Variants in TACC2 observed in about 807,000 individuals in gnomAD.
TACC2 encodes transforming acidic coiled-coil containing protein 2, also known as transforming acidic coiled-coil-containing protein 2.
TACC2 carries 137 observed loss-of-function variants against 227.3 expected under a neutral mutation model. That is an observed-to-expected ratio of 0.60 (90% CI 0.52 to 0.69). The LOEUF (loss-of-function observed/expected upper bound fraction) is 0.69, where lower values mean the gene tolerates loss of function less well. TACC2 is among the 30% of genes least tolerant of loss of function. TACC2 has a pLI of 0.00. For synonymous variants in TACC2, 1,523 were observed against 1,487.5 expected (o/e 1.02, Z -0.55); for missense variants, 3,470 against 3,694.4 (o/e 0.94, Z 1.57).
At position 122,086,139 on chromosome 10, in the gene TACC2, C is replaced by T. The variant is rs750732161; in HGVS notation, c.3639C>T (p.His1213=). The stretch of plus-strand genomic sequence containing the variant: ...GGAGCACCATGGATTTTTCTACACA[C>T]CAGGCTGTCCCAGACCCAAAGGAGC... ...IPRSTMDFST[H]QAVPDPKELL... is the part of the protein sequence containing the mutation. The change falls in exon 4 of 23, where the codon CAC becomes CAT. Residue 1213 remains histidine, a synonymous_variant. Transcript: ENST00000369005. The T allele has an allele frequency of 1.2e-6, 2 of 1,613,562 alleles. No individual in the cohort carries two copies. Among genetic ancestry groups the T allele is most frequent in the African/African-American group, 1.3e-5 (1 of 75,060 alleles).
chr10:122,060,679 C>T (rs1310577602), intron 3 of TACC2, among the ~76,000 whole-genome samples: 1 of 152,120 alleles, frequency 6.6e-6, no homozygotes, highest in Non-Finnish European at 1.5e-5. Context: ...CTAGAGATGC[C>T]AGGACTTGCT....
intron 7 of TACC2, among the ~76,000 whole-genome samples, chr10:122,159,382 G>A (rs1340378493): frequency 1.3e-5 from 2 of 152,282 alleles, no homozygotes; most frequent in South Asian, 2.1e-4. Context: ...CACCATTCTC[G>A]CCTGAGCCCA....
chr10:122,077,284 A>G (rs2078928640), intron 3 of TACC2, among the ~76,000 whole-genome samples: 1 of 152,048 alleles, frequency 6.6e-6, no homozygotes, highest in Non-Finnish European at 1.5e-5. Context: ...ACAACATTTT[A>G]TTGTTTGTTA....
chr10:122,011,177 A>G (rs762875903), intron 1 of TACC2, among the ~76,000 whole-genome samples: 11 of 152,006 alleles, frequency 7.2e-5, no homozygotes, highest in African/African-American at 1.9e-4. Context: ...AGAGCTAGGT[A>G]GACAGGGATG....
At chr10:122,009,498 CCT>C (rs61181827) in intron 1 of TACC2, among the ~76,000 whole-genome samples, 14,185 of 151,592 alleles carry the variant, frequency 0.094, 1,368 homozygotes, top group African/African-American at 0.25. Flanking sequence ...AGAGAGACTC[CCT>C]CTCAACAAAA....
At chr10:122,122,702 C>T (rs1006457749) in intron 5 of TACC2, among the ~76,000 whole-genome samples, 4 of 152,054 alleles carry the variant, frequency 2.6e-5, no homozygotes, top group Non-Finnish European at 5.9e-5. Flanking sequence ...TGCTCTTGGA[C>T]GCGGGTCCCA....
chr10:122,056,828 G>C (rs1393840278), intron 3 of TACC2, among the ~76,000 whole-genome samples: 4 of 152,232 alleles, frequency 2.6e-5, no homozygotes, highest in Non-Finnish European at 5.9e-5. Flanking sequence ...TGTCAGTCAG[G>C]TGAGGGGTTG....
chr10:122,090,884 G>A (rs902592868), intron 5 of TACC2, among the ~76,000 whole-genome samples: 2 of 152,230 alleles, frequency 1.3e-5, no homozygotes, highest in South Asian at 2.1e-4. Flanking sequence ...TGGGACTACA[G>A]GTGTGCACCA....
At chr10:122,223,975 G>T (rs1157200884) in intron 11 of TACC2, among the ~76,000 whole-genome samples, 1 of 152,166 alleles carries the variant, frequency 6.6e-6, no homozygotes, top group Admixed American at 6.5e-5. Flanking sequence ...CATATAGGAG[G>T]TGCTTCATCC....
intron 6 of TACC2, among the ~76,000 whole-genome samples, chr10:122,142,576 G>A (rs372456325): frequency 5.3e-5 from 8 of 152,334 alleles, no homozygotes; most frequent in Admixed American, 6.5e-5. Flanking sequence ...CAGCCCAGAG[G>A]CCCACGCACC....
intron 1 of TACC2, among the ~76,000 whole-genome samples, chr10:122,021,282 T>A (rs1957316992): frequency 6.6e-6 from 1 of 151,600 alleles, no homozygotes; most frequent in African/African-American, 2.4e-5. Context: ...TGTCACTAAG[T>A]GAGCTCATGA....
At chr10:122,077,348 T>A (rs2078933149) in intron 3 of TACC2, among the ~76,000 whole-genome samples, 1 of 152,082 alleles carries the variant, frequency 6.6e-6, no homozygotes, top group Non-Finnish European at 1.5e-5. Flanking sequence ...CTGGCCTCCA[T>A]TACACTCCAA....
At chr10:122,021,824 A>G (rs2461221) in intron 1 of TACC2, 113 bp from the exon 2 acceptor site, 356,739 of 636,232 alleles carry the variant, frequency 0.56, 101,525 homozygotes, top group Admixed American at 0.7. Flanking sequence ...ATGTGACCGT[A>G]GAGATAAACA....
intron 3 of TACC2, among the ~76,000 whole-genome samples, chr10:122,065,868 T>C (rs2077317840): frequency 6.6e-6 from 1 of 152,204 alleles, no homozygotes; most frequent in Non-Finnish European, 1.5e-5. Flanking sequence ...ATAAATTGAA[T>C]CCTCTATCAT....
intron 5 of TACC2, among the ~76,000 whole-genome samples, chr10:122,099,614 C>G (rs2081914614): frequency 1.3e-5 from 2 of 152,226 alleles, no homozygotes; most frequent in African/African-American, 4.8e-5. Flanking sequence ...AAGCTGCAAG[C>G]ACTGGCCCAA....
At chr10:121,997,560 G>A (rs1953693525) in intron 1 of TACC2, among the ~76,000 whole-genome samples, 1 of 152,158 alleles carries the variant, frequency 6.6e-6, no homozygotes, top group South Asian at 2.1e-4. Context: ...TCAGACAGGA[G>A]GGAGATGGGA....
At chr10:122,228,166 C>T (rs964035195) in intron 14 of TACC2, among the ~76,000 whole-genome samples, 158 bp downstream of exon 14, 1 of 152,230 alleles carries the variant, frequency 6.6e-6, no homozygotes, top group Non-Finnish European at 1.5e-5. Flanking sequence ...TGGGAAATCC[C>T]ATACCATGAG....
intron 3 of TACC2, among the ~76,000 whole-genome samples, chr10:122,081,687 T>C (rs2079525784): frequency 6.6e-6 from 1 of 152,192 alleles, no homozygotes; most frequent in Non-Finnish European, 1.5e-5. Context: ...CCTGAGTGTT[T>C]CACTTTTTTT....
intron 2 of TACC2, among the ~76,000 whole-genome samples, chr10:122,048,414 TC>T (rs1227090448): frequency 1.5e-4 from 18 of 118,788 alleles, no homozygotes; most frequent in African/African-American, 4.4e-4. Context: ...CCTCCCTCCC[TC>T]CCTTCCTTCC....
Sources: allele counts gnomAD v4.1 joint callset (sites outside exome capture counted in the v4.1 genomes callset), GRCh38; gene constraint gnomAD v4.1.1; transcripts MANE v1.5; gene names NCBI Gene and HGNC (gene_info 2026-07-23, HGNC 2026-07-21).